ZNF248: variants seen among roughly 807,000 people sequenced by gnomAD.
The protein encoded by ZNF248 is KRAB protein domain.
ZNF248 carries 20 observed loss-of-function variants against 44.3 expected under a neutral mutation model. The observed-to-expected ratio is 0.45, with a 90% CI of 0.32 to 0.66. The LOEUF is 0.66. ZNF248 is among the 30% of genes least tolerant of loss of function. The pLI is 0.04. For synonymous variants in ZNF248, 224 were observed against 229.0 expected (o/e 0.98, Z 0.20); for missense variants, 654 against 677.0 (o/e 0.97, Z 0.38).
At chr10:37,808,872 GT>G (rs58001845) in intron 6 of ZNF248, among the ~76,000 whole-genome samples, 5 of 151,152 alleles carry the variant, frequency 3.3e-5, no homozygotes, top group Non-Finnish European at 5.9e-5. Flanking sequence ...TTTGTCAAGA[GT>G]TTTTTTTTCA....
intron 6 of ZNF248, among the ~76,000 whole-genome samples, chr10:37,792,804 AG>A (rs1564475494): frequency 1.3e-5 from 2 of 152,206 alleles, no homozygotes; most frequent in Admixed American, 6.5e-5. Flanking sequence ...TGAAAAAGAC[AG>A]AAAAACTGAT....
the ZNF248 span, among the ~76,000 whole-genome samples, chr10:37,769,124 T>C: frequency 1.3e-5 from 2 of 152,232 alleles, no homozygotes; most frequent in African/African-American, 4.8e-5. Flanking sequence ...ATTGTGGCAA[T>C]AGTCAATAGC....
At chr10:37,835,330 T>A (rs1035392268) in intron 5 of ZNF248, among the ~76,000 whole-genome samples, 4 of 152,316 alleles carry the variant, frequency 2.6e-5, no homozygotes, top group Non-Finnish European at 5.9e-5. Context: ...GGTTTATTAG[T>A]ACGGTGATGC....
At chr10:37,813,266 T>G (rs2051853607) in intron 6 of ZNF248, among the ~76,000 whole-genome samples, 2 of 152,222 alleles carry the variant, frequency 1.3e-5, no homozygotes, top group Admixed American at 6.5e-5. Flanking sequence ...TGAGACTGCT[T>G]TTAACTTCTT....
chr10:37,801,598 T>C (rs2049844018), intron 6 of ZNF248, among the ~76,000 whole-genome samples: 1 of 151,940 alleles, frequency 6.6e-6, no homozygotes, highest in South Asian at 2.1e-4. Context: ...TATAGAAAAA[T>C]GATTCAAAAA....
intron 6 of ZNF248, among the ~76,000 whole-genome samples, chr10:37,787,153 C>T (rs1425959076): frequency 1.3e-5 from 2 of 152,058 alleles, no homozygotes. Flanking sequence ...GTGGTACACG[C>T]CTGTAGTCCC....
rs569150886 is a variant in ZNF248 at position 37,793,343 on chromosome 10, T to A, written c.331-16768A>T. Among the ~76,000 whole-genome samples the A allele has an allele frequency of 3.3e-5, 5 of 151,886 alleles. No individual in the cohort carries two copies. In the East Asian group the frequency reaches 7.8e-4, roughly 24 times the overall value. ...GAGAGAGACTCTGTCTAAAAAAAAA[T>A]TATTCAAAAATAAAACTTTTATTTC... On this transcript the variant is annotated intron_variant, in intron 6 of 6. Coordinates refer to the ZNF248 transcript ENST00000615949.
chr10:37,774,010 C>T (rs183227047), downstream of ZNF248, among the ~76,000 whole-genome samples: 4 of 152,158 alleles, frequency 2.6e-5, no homozygotes, highest in African/African-American at 9.6e-5. Flanking sequence ...CACACACACA[C>T]AGGCACATGC....
rs2054844591 is a variant in ZNF248, at chr10:37,828,799, G to C, written c.*2816C>G. 4 of 985,298 alleles carry C rather than the reference G, an allele frequency of 4.1e-6. No individual in the cohort carries two copies. Among genetic ancestry groups the C allele is most frequent in the African/African-American group, 1.7e-5 (1 of 57,224 alleles). 61.0% of individuals were successfully genotyped at this position (985,298 alleles called of 1,614,324 possible). A position where few individuals can be genotyped will look rare whatever the true frequency, so the allele number is the denominator to read the frequency against. ...CTGGCTATTTATTTGGAAGAATACA[G>C]AGCTGCTTACCTTACACCACATACA... On this transcript the variant is annotated 3_prime_UTR_variant, in exon 6 of 6. Coordinates refer to ENST00000395867, the MANE Select transcript of ZNF248 (RefSeq NM_021045.3).
downstream of ZNF248, chr10:37,776,419 A>G (rs773335328): frequency 2.8e-4 from 109 of 390,866 alleles, no homozygotes; most frequent in Admixed American, 8.9e-4. Context: ...GCAAACTGTC[A>G]GGCTCTGCCC....
intron 3 of ZNF248, among the ~76,000 whole-genome samples, chr10:37,847,665 G>C (rs896044862): frequency 1.3e-5 from 2 of 152,036 alleles, no homozygotes; most frequent in African/African-American, 4.8e-5. Flanking sequence ...TATTTTGTTG[G>C]AAAATTTTCA....
intron 3 of ZNF248, among the ~76,000 whole-genome samples, chr10:37,842,453 A>G (rs1004676928): frequency 2.0e-5 from 3 of 152,214 alleles, no homozygotes; most frequent in South Asian, 2.1e-4. Context: ...TGGCACTTCT[A>G]CTTGCCTTTA....
chr10:37,827,126 C>T (rs2054504327), downstream of ZNF248, among the ~76,000 whole-genome samples: 1 of 152,172 alleles, frequency 6.6e-6, no homozygotes, highest in Non-Finnish European at 1.5e-5. Context: ...GTCATGGGCA[C>T]CAGTCATGGC....
At chr10:37,837,793 A>G (rs756995932) in intron 4 of ZNF248, 81 bp from the exon 5 acceptor site, 212 of 1,414,276 alleles carry the variant, frequency 1.5e-4, no homozygotes, top group Admixed American at 1.4e-3. Context: ...GAAGAAAGGC[A>G]CAGCTTCACC....
chr10:37,778,726 G>A (rs1301081394), intron 6 of ZNF248, among the ~76,000 whole-genome samples: 2 of 151,942 alleles, frequency 1.3e-5, no homozygotes, highest in Non-Finnish European at 2.9e-5. Context: ...AATGAATCCA[G>A]GAGCTGGTTT....
rs181870948 is a variant in ZNF248, at chr10:37,843,385, G to A, written c.16-5274C>T. Among the ~76,000 whole-genome samples, 909 of 148,388 alleles carry A rather than the reference G, an allele frequency of 6.1e-3. 10 individuals are homozygous for A. Among genetic ancestry groups the A allele is most frequent in the African/African-American group, 0.022 (868 of 40,156 alleles). ...GGTTGCAGTGAGCCGAGATTGCACC[G>A]CTGCACTCCAGCCTGGCGACAGAGC... On this transcript the variant is annotated intron_variant, in intron 3 of 5. Coordinates refer to ENST00000395867, the MANE Select transcript of ZNF248 (RefSeq NM_021045.3).
chr10:37,844,693 G>T (rs567545050), intron 3 of ZNF248, among the ~76,000 whole-genome samples: 3 of 152,220 alleles, frequency 2.0e-5, no homozygotes, highest in South Asian at 2.1e-4. Context: ...AATGTTCATT[G>T]TTAATCTCCA....
the ZNF248 span, among the ~76,000 whole-genome samples, chr10:37,759,933 G>A: frequency 1.3e-5 from 2 of 152,146 alleles, no homozygotes; most frequent in Non-Finnish European, 1.5e-5. Context: ...AGGCAGGGAG[G>A]AGGCAAAATC....
At chr10:37,759,782 A>C in the ZNF248 span, among the ~76,000 whole-genome samples, 1 of 152,242 alleles carries the variant, frequency 6.6e-6, no homozygotes, top group African/African-American at 2.4e-5. Context: ...TCTGCTCTGA[A>C]TAGAATCACA....
Sources: gnomAD v4.1 joint callset for allele counts (sites outside exome capture counted in the v4.1 genomes callset) on GRCh38, gnomAD v4.1.1 for gene constraint, MANE v1.5 for transcripts, NCBI Gene and HGNC (gene_info 2026-07-23, HGNC 2026-07-21) for gene names.